Variants in LIN7A observed in about 807,000 individuals in gnomAD.
The protein encoded by LIN7A is lin-7 cell polarity scaffold A, also known as protein lin-7 homolog A.
A neutral mutation model predicts 29.8 loss-of-function variants in LIN7A; 25 were observed. The observed-to-expected ratio is 0.84, with a 90% CI of 0.61 to 1.17. The LOEUF (loss-of-function observed/expected upper bound fraction) is 1.17. LIN7A is among the 50% of genes most tolerant of loss of function. The pLI is 0.00. For synonymous variants in LIN7A, 118 were observed against 107.5 expected (o/e 1.10, Z -0.60); for missense variants, 239 against 287.0 (o/e 0.83, Z 1.21).
chr12:80,912,505 A>G (rs556700322), intron 1 of LIN7A, among the ~76,000 whole-genome samples: 6 of 151,982 alleles, frequency 3.9e-5, no homozygotes, highest in African/African-American at 7.2e-5. Flanking sequence ...CACCTGAGGT[A>G]GGAGTTTGAG....
At chr12:80,862,284 C>A (rs1392836320) in intron 2 of LIN7A, among the ~76,000 whole-genome samples, 1 of 152,132 alleles carries the variant, frequency 6.6e-6, no homozygotes, top group Non-Finnish European at 1.5e-5. Context: ...TGTGATACAA[C>A]TGTATACCTA....
chr12:80,827,197 C>T (rs564959130), intron 4 of LIN7A, among the ~76,000 whole-genome samples: 30 of 152,220 alleles, frequency 2.0e-4, no homozygotes, highest in African/African-American at 7.2e-4. Context: ...ACCATCCTGG[C>T]TAACACGGTG....
At chr12:80,807,063 G>GTTT (rs71094991) in intron 5 of LIN7A, among the ~76,000 whole-genome samples, 5 of 53,588 alleles carry the variant, frequency 9.3e-5, no homozygotes, top group African/African-American at 2.6e-4. Context: ...TGAAGATGGA[G>GTTT]TTTTTTTTTT....
intron 4 of LIN7A, among the ~76,000 whole-genome samples, chr12:80,829,453 T>C (rs1046303800): frequency 1.3e-5 from 2 of 152,214 alleles, no homozygotes; most frequent in Admixed American, 1.3e-4. Flanking sequence ...ATATCACTTA[T>C]ACGGCATGGC....
chr12:80,833,714 C>T (rs932494972), intron 4 of LIN7A, among the ~76,000 whole-genome samples: 1 of 152,122 alleles, frequency 6.6e-6, no homozygotes, highest in Non-Finnish European at 1.5e-5. Context: ...AGATGTTGTC[C>T]CTCTGTCTAG....
chr12:80,820,628 A>AACACACACACACAC (rs1871753306), intron 4 of LIN7A, among the ~76,000 whole-genome samples: 1 of 79,062 alleles, frequency 1.3e-5, no homozygotes, highest in Admixed American at 1.2e-4. Context: ...ATGAAGATTA[A>AACACACACACACAC]ATACACACAC....
intron 4 of LIN7A, among the ~76,000 whole-genome samples, chr12:80,825,698 A>G (rs986638000): frequency 6.6e-6 from 1 of 152,182 alleles, no homozygotes; most frequent in Non-Finnish European, 1.5e-5. Flanking sequence ...AGCAAGTATC[A>G]TGGGCAATGA....
rs557065820 is a variant in LIN7A at position 80,795,966 on chromosome 12, G to A, written c.*1761C>T. ...AGGATGGGAATCTGTTATCACAGGG[G>A]TGTATTGTTGAAATTAGCAAATGTC... On this transcript the variant is annotated 3_prime_UTR_variant, in exon 6 of 6. Coordinates refer to ENST00000552864, the MANE Select transcript of LIN7A (RefSeq NM_004664.4). The A allele has an allele frequency of 2.0e-5, 3 of 152,128 alleles. No homozygotes were observed. The highest frequency in any genetic ancestry group is 7.2e-5 in the African/African-American group (3 of 41,418). 9.4% of individuals were successfully genotyped at this position (152,128 alleles called of 1,614,324 possible).
intron 5 of LIN7A, among the ~76,000 whole-genome samples, chr12:80,805,983 T>TG (rs1565883224): frequency 1.2e-4 from 18 of 144,028 alleles, no homozygotes; most frequent in Non-Finnish European, 1.4e-4. Flanking sequence ...GAGGCTGAGG[T>TG]AGGAGAATCG....
intron 2 of LIN7A, among the ~76,000 whole-genome samples, chr12:80,859,180 G>A (rs1328220613): frequency 6.6e-6 from 1 of 152,128 alleles, no homozygotes; most frequent in Admixed American, 6.6e-5. Context: ...CATCATAAAT[G>A]AATTAAGGTT....
chr12:80,833,323 C>T (rs1313535273), intron 4 of LIN7A, among the ~76,000 whole-genome samples: 2 of 152,180 alleles, frequency 1.3e-5, no homozygotes, highest in Non-Finnish European at 2.9e-5. Context: ...TATTCTTCAC[C>T]TTGCATATCC....
intron 4 of LIN7A, among the ~76,000 whole-genome samples, chr12:80,844,678 T>C (rs142138893): frequency 6.6e-6 from 1 of 152,194 alleles, no homozygotes; most frequent in African/African-American, 2.4e-5. Context: ...ATGTTTAATA[T>C]AAGTGGATGT....
chr12:80,919,586 A>G (rs1020103287), intron 1 of LIN7A, among the ~76,000 whole-genome samples: 1 of 152,200 alleles, frequency 6.6e-6, no homozygotes, highest in Non-Finnish European at 1.5e-5. Context: ...GACCCATTAC[A>G]ACGGGGAGAA....
chr12:80,882,629 C>T (rs1057300160), intron 2 of LIN7A, among the ~76,000 whole-genome samples: 2 of 152,060 alleles, frequency 1.3e-5, no homozygotes, highest in Non-Finnish European at 2.9e-5. Context: ...TTTTTCTTGA[C>T]TTATTTTAGT....
At chr12:80,870,452 A>C (rs1431933291) in intron 2 of LIN7A, among the ~76,000 whole-genome samples, 1 of 152,196 alleles carries the variant, frequency 6.6e-6, no homozygotes, top group South Asian at 2.1e-4. Context: ...ACTGATAGAC[A>C]TACAAATACT....
At chr12:80,928,402 T>G (rs2120933181) in intron 1 of LIN7A, among the ~76,000 whole-genome samples, 1 of 152,308 alleles carries the variant, frequency 6.6e-6, no homozygotes, top group East Asian at 1.9e-4. Context: ...CCATTCTAAC[T>G]GGTGTGAGAT....
At chr12:80,822,944 G>A (rs1002222303) in intron 4 of LIN7A, among the ~76,000 whole-genome samples, 4 of 152,162 alleles carry the variant, frequency 2.6e-5, no homozygotes, top group African/African-American at 9.7e-5. Context: ...AACTTATGGT[G>A]CTTTCTCTTG....
chr12:80,845,398 C>G (rs965057612), intron 4 of LIN7A, among the ~76,000 whole-genome samples: 16 of 151,980 alleles, frequency 1.1e-4, no homozygotes, highest in Non-Finnish European at 1.5e-4. Context: ...TATGTATTTG[C>G]TTATAGTAAC....
intron 4 of LIN7A, chr12:80,842,120 T>G: frequency 6.2e-6 from 8 of 1,287,228 alleles, no homozygotes; most frequent in Non-Finnish European, 8.1e-6. Flanking sequence ...GTTTTTGACT[T>G]CTTAGAAGCT....
Sources: allele counts gnomAD v4.1 joint callset (sites outside exome capture counted in the v4.1 genomes callset), GRCh38; gene constraint gnomAD v4.1.1; transcripts MANE v1.5; gene names NCBI Gene and HGNC (gene_info 2026-07-23, HGNC 2026-07-21).